KHDRBS2: variants seen among roughly 807,000 people sequenced by gnomAD.
KHDRBS2 encodes the protein KH domain-containing, RNA-binding, signal transduction-associated protein 2.
A neutral mutation model predicts 44.3 loss-of-function variants in KHDRBS2; 26 were observed. The observed-to-expected ratio is 0.59, with a 90% CI of 0.43 to 0.81. KHDRBS2 has a LOEUF of 0.81. Among genes scored for constraint, KHDRBS2 ranks in the 40% least tolerant of loss-of-function variants. The probability of loss-of-function intolerance (pLI) is 0.00; values close to 1 mark genes in which losing one functional copy is unlikely to be tolerated. For synonymous variants in KHDRBS2, 194 were observed against 151.1 expected (o/e 1.28, Z -2.08); for missense variants, 476 against 433.1 (o/e 1.10, Z -0.88).
At chr6:62,254,250 G>T (rs73760338) in intron 1 of KHDRBS2, among the ~76,000 whole-genome samples, 1 of 152,020 alleles carries the variant, frequency 6.6e-6, no homozygotes, top group Non-Finnish European at 1.5e-5. Flanking sequence ...CTATGCTCAA[G>T]ATAAAGGAGA....
the KHDRBS2 span, among the ~76,000 whole-genome samples, chr6:61,583,407 G>A: frequency 6.6e-6 from 1 of 151,668 alleles, no homozygotes; most frequent in African/African-American, 2.4e-5. Context: ...ACAGTTTGGG[G>A]CCAATATGAA....
intron 3 of KHDRBS2, among the ~76,000 whole-genome samples, chr6:62,016,986 G>T (rs1419565773): frequency 6.6e-6 from 1 of 152,046 alleles, no homozygotes; most frequent in South Asian, 2.1e-4. Flanking sequence ...CAAGTGAAAA[G>T]AAATGCCCTG....
the KHDRBS2 span, among the ~76,000 whole-genome samples, chr6:61,629,326 T>C: frequency 6.6e-6 from 1 of 152,184 alleles, no homozygotes; most frequent in Non-Finnish European, 1.5e-5. Context: ...GTCCCAAACA[T>C]CATTTAAGCA....
At chr6:62,181,494 T>C (rs1345740235) in intron 1 of KHDRBS2, among the ~76,000 whole-genome samples, 1 of 151,862 alleles carries the variant, frequency 6.6e-6, no homozygotes, top group African/African-American at 2.4e-5. Flanking sequence ...CAACAATGAA[T>C]TATTACTTCA....
intron 1 of KHDRBS2, among the ~76,000 whole-genome samples, chr6:62,266,655 T>A (rs1585515578): frequency 6.6e-6 from 1 of 152,002 alleles, no homozygotes; most frequent in South Asian, 2.1e-4. Context: ...TGGGGGAATT[T>A]GTAAGACACT....
At chr6:61,973,893 T>C (rs1771944780) in intron 4 of KHDRBS2, among the ~76,000 whole-genome samples, 1 of 152,150 alleles carries the variant, frequency 6.6e-6, no homozygotes, top group Non-Finnish European at 1.5e-5. Flanking sequence ...AATCACAATC[T>C]CTTAACTATG....
intron 1 of KHDRBS2, among the ~76,000 whole-genome samples, chr6:62,208,930 C>T (rs1366721987): frequency 6.6e-6 from 1 of 152,192 alleles, no homozygotes; most frequent in Non-Finnish European, 1.5e-5. Flanking sequence ...AGCCCCTTGA[C>T]ATGGACCTTG....
chr6:61,567,295 A>T, the KHDRBS2 span, among the ~76,000 whole-genome samples: 1 of 152,254 alleles, frequency 6.6e-6, no homozygotes, highest in Non-Finnish European at 1.5e-5. Flanking sequence ...AAGGGCCTAT[A>T]TTCAAGAAGG....
chr6:62,237,022 C>A (rs1476375310), intron 1 of KHDRBS2, among the ~76,000 whole-genome samples: 1 of 152,154 alleles, frequency 6.6e-6, no homozygotes, highest in Non-Finnish European at 1.5e-5. Flanking sequence ...TGAATTACAG[C>A]AGTATACTTG....
At chr6:61,750,385 C>CT in intron 6 of KHDRBS2, among the ~76,000 whole-genome samples, 1 of 152,234 alleles carries the variant, frequency 6.6e-6, no homozygotes, top group Non-Finnish European at 1.5e-5. Context: ...CCAGGCCAGC[C>CT]TATGGGGTTC....
the KHDRBS2 span, among the ~76,000 whole-genome samples, chr6:61,645,483 C>T: frequency 0.83 from 124,087 of 150,362 alleles, 51,400 homozygotes; most frequent in Non-Finnish European, 0.87. Context: ...AATTTAAAAA[C>T]AAAAACATAA....
chr6:61,671,077 A>T, the KHDRBS2 span, among the ~76,000 whole-genome samples: 1 of 151,652 alleles, frequency 6.6e-6, no homozygotes, highest in Non-Finnish European at 1.5e-5. Flanking sequence ...CATCATGTCT[A>T]AAAAAGTAGA....
intron 6 of KHDRBS2, among the ~76,000 whole-genome samples, chr6:61,881,810 A>G (rs1583311604): frequency 6.6e-6 from 1 of 152,186 alleles, no homozygotes; most frequent in East Asian, 1.9e-4. Flanking sequence ...CGGAGGTCTG[A>G]CAACAACGGG....
chr6:62,076,925 A>T (rs1796455067), intron 2 of KHDRBS2, among the ~76,000 whole-genome samples: 1 of 151,986 alleles, frequency 6.6e-6, no homozygotes, highest in Non-Finnish European at 1.5e-5. Context: ...GTACACCTGT[A>T]GTCCTAGCTA....
the KHDRBS2 span, among the ~76,000 whole-genome samples, chr6:61,619,511 A>G: frequency 6.6e-6 from 1 of 152,032 alleles, no homozygotes; most frequent in African/African-American, 2.4e-5. Flanking sequence ...CTGGAGTGCA[A>G]TGGTGCAACC....
chr6:61,616,790 T>A, the KHDRBS2 span, among the ~76,000 whole-genome samples: 1 of 152,084 alleles, frequency 6.6e-6, no homozygotes, highest in African/African-American at 2.4e-5. Flanking sequence ...ACAAAGCATG[T>A]AATAGACCCA....
At chr6:62,113,551 C>T (rs983610087) in intron 2 of KHDRBS2, among the ~76,000 whole-genome samples, 11 of 152,080 alleles carry the variant, frequency 7.2e-5, no homozygotes, top group African/African-American at 2.7e-4. Flanking sequence ...GTGGAAATAA[C>T]AAACCTTATC....
chr6:61,772,989 C>T (rs1427130839), intron 6 of KHDRBS2, among the ~76,000 whole-genome samples: 2 of 152,174 alleles, frequency 1.3e-5, no homozygotes, highest in African/African-American at 4.8e-5. Flanking sequence ...TTTATGTCTG[C>T]ATAGTATTCC....
the KHDRBS2 span, among the ~76,000 whole-genome samples, chr6:61,543,842 G>A: frequency 6.6e-6 from 1 of 152,132 alleles, no homozygotes; most frequent in African/African-American, 2.4e-5. Context: ...AGTGAGATAT[G>A]CCAGGCACAG....
Sources: allele counts gnomAD v4.1 joint callset (sites outside exome capture counted in the v4.1 genomes callset), GRCh38; gene constraint gnomAD v4.1.1; transcripts MANE v1.5; gene names NCBI Gene and HGNC (gene_info 2026-07-23, HGNC 2026-07-21).